MYT1L: variants seen among roughly 807,000 people sequenced by gnomAD.
MYT1L encodes myelin transcription factor 1 like.
Under a neutral mutation model 126.7 loss-of-function variants are expected in MYT1L, and 12 were observed. The observed-to-expected ratio is 0.09, with a 90% CI of 0.06 to 0.15. The LOEUF is 0.15. Among genes scored for constraint, MYT1L ranks in the 10% least tolerant of loss-of-function variants. MYT1L has a pLI of 1.00. For missense variants in MYT1L, 979 were observed against 1,585.2 expected (o/e 0.62, Z 6.49); for synonymous variants, 541 against 604.2 (o/e 0.90, Z 1.53).
intron 4 of MYT1L, among the ~76,000 whole-genome samples, chr2:2,020,961 C>T (rs978421728): frequency 2.6e-5 from 4 of 152,226 alleles, no homozygotes; most frequent in African/African-American, 9.6e-5. Flanking sequence ...CGAGGACCTT[C>T]CCTCCTGCAG....
In MYT1L at chr2:2,216,503, G is replaced by A. The variant is rs540279155; in HGVS notation, c.-420-43515C>T. On this transcript the variant is annotated intron_variant, in intron 2 of 24. Transcript: ENST00000647738. Reference sequence around the variant, plus strand: ...GAAGTTCCACCAGGTATCAATTTGCGGGAGGTTGGTGAAGCATTGTTCTGG... The same window carrying A: ...GAAGTTCCACCAGGTATCAATTTGCAGGAGGTTGGTGAAGCATTGTTCTGG... 1.1e-4 allele frequency among the ~76,000 whole-genome samples: 16 copies of A among 152,260 alleles called. No individual in the cohort carries two copies. The South Asian group carries it at 1.2e-3, about 12-fold the overall frequency.
At chr2:2,097,505 A>G (rs1324167558) in intron 3 of MYT1L, among the ~76,000 whole-genome samples, 1 of 152,188 alleles carries the variant, frequency 6.6e-6, no homozygotes, top group Non-Finnish European at 1.5e-5. Context: ...TAGGCCACAC[A>G]CAAGATTAGC....
intron 11 of MYT1L, among the ~76,000 whole-genome samples, chr2:1,915,013 G>A (rs1000286730): frequency 9.2e-5 from 14 of 151,880 alleles, no homozygotes; most frequent in East Asian, 1.9e-4. Flanking sequence ...AGTCCCCACC[G>A]TGCAGAGCCC....
rs924604428 is a variant in MYT1L, at chr2:2,022,300, G to A, written c.-157-24953C>T. Among the ~76,000 whole-genome samples the A allele has an allele frequency of 5.3e-5, 8 of 152,098 alleles. 1 individual carries two copies. The highest frequency in any genetic ancestry group is 1.4e-4 in the African/African-American group (6 of 41,412). ...AGGAGCACATGTCCCAGAGAGCTCC[G>A]GTACCCACCTCGAAGTGGTCTGACA... is the stretch of plus-strand genomic sequence containing the variant. On this transcript the variant is annotated intron_variant, in intron 4 of 24. Coordinates refer to ENST00000647738, the MANE Select transcript of MYT1L (RefSeq NM_001303052.2).
intron 15 of MYT1L, 75 bp downstream of exon 15, chr2:1,891,962 C>T (rs117490807): frequency 1.5e-5 from 22 of 1,441,642 alleles, no homozygotes; most frequent in South Asian, 7.3e-5. Flanking sequence ...GAAAGCGCCG[C>T]GTGTCTCGGT....
chr2:2,279,568 T>TGAAGAAAG (rs758053755), intron 2 of MYT1L, among the ~76,000 whole-genome samples: 1 of 144,970 alleles, frequency 6.9e-6, no homozygotes, highest in Non-Finnish European at 1.5e-5. Flanking sequence ...AATGAATGAA[T>TGAAGAAAG]GAAGGAAGGA....
intron 2 of MYT1L, among the ~76,000 whole-genome samples, chr2:2,188,261 A>C (rs1225651510): frequency 1.3e-5 from 2 of 152,220 alleles, no homozygotes; most frequent in African/African-American, 2.4e-5. Flanking sequence ...AACCCAAAAC[A>C]ACATGAATTC....
intron 3 of MYT1L, among the ~76,000 whole-genome samples, chr2:2,116,186 G>T (rs1464813157): frequency 3.9e-5 from 6 of 152,242 alleles, no homozygotes; most frequent in Non-Finnish European, 7.3e-5. Flanking sequence ...GCCATCCAGG[G>T]ACTGGAATGC....
Position 2,104,566 on chromosome 2 carries a change from G to A in MYT1L, c.-303-50443C>T, listed in dbSNP as rs570127696. Among the ~76,000 whole-genome samples, 4 of 152,352 alleles carry A rather than the reference G, an allele frequency of 2.6e-5. No homozygotes were observed. In the East Asian group the frequency reaches 7.7e-4, roughly 29 times the overall value. On this transcript the variant is annotated intron_variant, in intron 3 of 24. Transcript: ENST00000647738. ...GCTACCTGGCAACAGCGGCTCCAAG[G>A]CTGGCTCGCCAGGGGCCAGAGAGGC...
intron 20 of MYT1L, among the ~76,000 whole-genome samples, chr2:1,839,988 G>C (rs963967726): frequency 2.0e-5 from 3 of 152,204 alleles, no homozygotes; most frequent in African/African-American, 7.2e-5. Flanking sequence ...ACACACACCA[G>C]GGCAGCAAAG....
At chr2:2,181,804 G>A (rs1405744875) in intron 2 of MYT1L, among the ~76,000 whole-genome samples, 1 of 152,136 alleles carries the variant, frequency 6.6e-6, no homozygotes. Flanking sequence ...GCTTCCAAGT[G>A]AGAGAAAAAG....
chr2:1,907,552 G>T (rs1453190228), intron 13 of MYT1L, among the ~76,000 whole-genome samples: 1 of 152,202 alleles, frequency 6.6e-6, no homozygotes, highest in Non-Finnish European at 1.5e-5. Flanking sequence ...AGGGAGGTAG[G>T]AGGGGAGGAG....
In MYT1L at chr2:1,841,080, A is replaced by AT. The variant is rs577811762; in HGVS notation, c.2775-238dup. Reference sequence around the variant, plus strand: ...CACCACGCCTGGCTAATTTTTTTGTATTTTTTAGTAGAGACGGGGTTTCAC... The same window carrying AT: ...CACCACGCCTGGCTAATTTTTTTGTATTTTTTTAGTAGAGACGGGGTTTCAC... On this transcript the variant is annotated intron_variant, in intron 19 of 24. Coordinates refer to ENST00000647738, the MANE Select transcript of MYT1L (RefSeq NM_001303052.2). 9.0e-4 allele frequency: 327 copies of AT among 363,834 alleles called. 1 individual carries two copies. Among genetic ancestry groups the AT allele is most frequent in the African/African-American group, 7.5e-3 (295 of 39,442 alleles). 22.5% of individuals were successfully genotyped at this position (363,834 alleles called of 1,614,324 possible). A position where few individuals can be genotyped will look rare whatever the true frequency, so the allele number is the denominator to read the frequency against.
At chr2:2,330,698 T>A (rs898465827) in intron 1 of MYT1L, among the ~76,000 whole-genome samples, 1 of 152,170 alleles carries the variant, frequency 6.6e-6, no homozygotes, top group Non-Finnish European at 1.5e-5. Flanking sequence ...ACACCATACA[T>A]GCACCCCGTT....
intron 1 of MYT1L, among the ~76,000 whole-genome samples, chr2:2,313,889 C>T (rs533955236): frequency 3.3e-5 from 5 of 152,148 alleles, no homozygotes; most frequent in Non-Finnish European, 5.9e-5. Flanking sequence ...GGGCCCAACC[C>T]TCACTCTAGT....
chr2:1,932,052 A>G (rs2055076614), intron 9 of MYT1L, among the ~76,000 whole-genome samples: 1 of 152,158 alleles, frequency 6.6e-6, no homozygotes, highest in Non-Finnish European at 1.5e-5. Flanking sequence ...GGAAGCATGC[A>G]GGCCAGACAC....
rs2048329954 is a variant in MYT1L at position 1,887,701 on chromosome 2, A to G, written c.2521-92T>C. 3 of 1,431,614 alleles carry G rather than the reference A, an allele frequency of 2.1e-6. No homozygotes were observed. In the African/African-American group the frequency reaches 4.2e-5, roughly 20 times the overall value. 88.7% of individuals were successfully genotyped at this position (1,431,614 alleles called of 1,614,324 possible). ...TTCGTGGCTCTGGGGTGGCCTCTACATCTTACACCTCTTTCTGCTGTACCT... is the reference window on the plus strand; with the variant it reads ...TTCGTGGCTCTGGGGTGGCCTCTACGTCTTACACCTCTTTCTGCTGTACCT... On this transcript the variant is annotated intron_variant, in intron 16 of 24. Coordinates refer to ENST00000647738, the MANE Select transcript of MYT1L (RefSeq NM_001303052.2). This position sits in a 1 kb window ranked among gnomAD's most constrained non-coding sequence, Gnocchi z 4.8.
At chr2:2,272,839 C>T (rs1450759116) in intron 2 of MYT1L, among the ~76,000 whole-genome samples, 4 of 152,174 alleles carry the variant, frequency 2.6e-5, no homozygotes, top group African/African-American at 9.7e-5. Context: ...TTCTTTCTCA[C>T]ACCCCATGAC....
At position 2,224,404 on chromosome 2, in the gene MYT1L, T is replaced by A. The variant is rs551775119; in HGVS notation, c.-420-51416A>T. 8.5e-5 allele frequency among the ~76,000 whole-genome samples: 13 copies of A among 152,242 alleles called. No individual in the cohort carries two copies. The East Asian group carries it at 2.5e-3, about 29-fold the overall frequency. On this transcript the variant is annotated intron_variant, in intron 2 of 24. Transcript: ENST00000647738. The surrounding 1 kb of genome is among the most constrained non-coding windows in gnomAD (Gnocchi z 4.0). ...AACATCCCCAAAAAGACCGGAGAGC[T>A]GGCGAGGTGACAGCCATGCTGCTCT...
Sources: gnomAD v4.1 joint callset for allele counts (sites outside exome capture counted in the v4.1 genomes callset) on GRCh38, gnomAD v4.1.1 for gene constraint, Gnocchi (gnomAD v3.1) non-coding constraint, MANE v1.5 for transcripts, NCBI Gene and HGNC (gene_info 2026-07-23, HGNC 2026-07-21) for gene names.